The following FBXL7 variants were observed in gnomAD, a reference collection of about 807,000 sequenced individuals.
FBXL7 encodes the protein F-box/LRR-repeat protein 7.
In FBXL7, 12 loss-of-function variants were observed where a neutral mutation model predicts 38.3. The observed-to-expected ratio is 0.31, with a 90% CI of 0.20 to 0.51. The LOEUF is 0.51. FBXL7 is among the 20% of genes least tolerant of loss of function. The probability of loss-of-function intolerance (pLI) is 0.98; values close to 1 mark genes in which losing one functional copy is unlikely to be tolerated. For synonymous variants in FBXL7, 297 were observed against 300.9 expected, an observed-to-expected ratio of 0.99 and a Z score of 0.13; for missense variants, 567 against 676.4, an observed-to-expected ratio of 0.84 and a Z score of 1.79.
chr5:15,724,263 T>C (rs1031484004), intron 2 of FBXL7, among the ~76,000 whole-genome samples: 2 of 152,178 alleles, frequency 1.3e-5, no homozygotes, highest in African/African-American at 2.4e-5. Context: ...TTTAAAAAAA[T>C]GTTTATTTCA....
At chr5:15,594,768 A>G (rs1382555615) in intron 1 of FBXL7, among the ~76,000 whole-genome samples, 1 of 152,220 alleles carries the variant, frequency 6.6e-6, no homozygotes, top group Non-Finnish European at 1.5e-5. Context: ...TACTCCAGCT[A>G]TTGCTGACAA....
At chr5:15,679,099 A>G (rs1742753804) in intron 2 of FBXL7, among the ~76,000 whole-genome samples, 1 of 152,288 alleles carries the variant, frequency 6.6e-6, no homozygotes, top group Non-Finnish European at 1.5e-5. Flanking sequence ...AATTTTGATG[A>G]TCACCTGAAA....
At chr5:15,749,236 CTCTG>C (rs1395023459) in intron 2 of FBXL7, among the ~76,000 whole-genome samples, 15 of 109,274 alleles carry the variant, frequency 1.4e-4, no homozygotes, top group Non-Finnish European at 2.4e-4. Context: ...CAGAGTGAGA[CTCTG>C]TCTCAAAAAA....
intron 2 of FBXL7, among the ~76,000 whole-genome samples, chr5:15,617,699 A>T (rs575939839): frequency 2.6e-5 from 4 of 152,158 alleles, no homozygotes; most frequent in Non-Finnish European, 5.9e-5. Flanking sequence ...TCAGCCTCCC[A>T]AAGTGCTGGG....
chr5:15,729,519 T>C (rs946910419), intron 2 of FBXL7, among the ~76,000 whole-genome samples: 1 of 152,178 alleles, frequency 6.6e-6, no homozygotes, highest in African/African-American at 2.4e-5. Context: ...ATTACTGTTA[T>C]TTCAAACCAG....
chr5:15,902,802 C>G (rs1032099052), intron 2 of FBXL7, among the ~76,000 whole-genome samples: 3 of 152,180 alleles, frequency 2.0e-5, no homozygotes, highest in Non-Finnish European at 4.4e-5. Context: ...ATTGTCAGTC[C>G]TTCGGGGTGG....
intron 2 of FBXL7, among the ~76,000 whole-genome samples, chr5:15,674,352 A>G (rs1742582855): frequency 6.6e-6 from 1 of 152,218 alleles, no homozygotes; most frequent in South Asian, 2.1e-4. Flanking sequence ...ATGAAGTTTC[A>G]TGAAAGGTTT....
chr5:15,715,484 C>T (rs551934363), intron 2 of FBXL7, among the ~76,000 whole-genome samples: 9 of 121,890 alleles, frequency 7.4e-5, no homozygotes, highest in Non-Finnish European at 1.2e-4. Context: ...AGCGAGACTC[C>T]GTCTCAAAAA....
chr5:15,715,405 C>G (rs376612692), intron 2 of FBXL7, among the ~76,000 whole-genome samples: 1 of 149,486 alleles, frequency 6.7e-6, no homozygotes, highest in South Asian at 2.1e-4. Context: ...GCAGAAGAAT[C>G]GCTTGAACCT....
chr5:15,635,075 C>G (rs1741138591), intron 2 of FBXL7, among the ~76,000 whole-genome samples: 1 of 152,030 alleles, frequency 6.6e-6, no homozygotes, highest in African/African-American at 2.4e-5. Context: ...CACACAGTTA[C>G]TTAAAATAGC....
At chr5:15,777,779 T>A (rs1736896416) in intron 2 of FBXL7, among the ~76,000 whole-genome samples, 1 of 150,054 alleles carries the variant, frequency 6.7e-6, no homozygotes, top group South Asian at 2.1e-4. Flanking sequence ...AATAACTTTT[T>A]TCTTAGATTA....
At chr5:15,539,006 G>GA (rs1561019961) in intron 1 of FBXL7, among the ~76,000 whole-genome samples, 1 of 152,106 alleles carries the variant, frequency 6.6e-6, no homozygotes, top group African/African-American at 2.4e-5. Context: ...ATAAATAGGA[G>GA]AAAAAACACG....
intron 2 of FBXL7, among the ~76,000 whole-genome samples, chr5:15,873,829 C>T (rs1740079990): frequency 6.6e-6 from 1 of 152,136 alleles, no homozygotes; most frequent in Admixed American, 6.5e-5. Flanking sequence ...CTGAATTCTA[C>T]CAGAGGTACA....
chr5:15,849,540 T>C (rs1057103340), intron 2 of FBXL7, among the ~76,000 whole-genome samples: 8 of 152,156 alleles, frequency 5.3e-5, no homozygotes, highest in Non-Finnish European at 1.2e-4. Context: ...AAGGGGAAGT[T>C]TCCTTGGACA....
In FBXL7 at chr5:15,608,253, G is replaced by T. The variant is rs982249972; in HGVS notation, c.38-7730G>T. 4.1e-4 allele frequency among the ~76,000 whole-genome samples: 63 copies of T among 152,110 alleles called. 1 individual carries two copies. Among genetic ancestry groups the T allele is most frequent in the Admixed American group, 2.5e-3 (38 of 15,264 alleles). On this transcript the variant is annotated intron_variant, in intron 1 of 3. Transcript: ENST00000504595. ...ATGGTTTCATGCTTTACCTGCCAGGGTTCATTTTTTTCTCATAGCAGCCTC... is the reference window on the plus strand; with the variant it reads ...ATGGTTTCATGCTTTACCTGCCAGGTTTCATTTTTTTCTCATAGCAGCCTC...
chr5:15,669,524 G>A (rs769033873), intron 2 of FBXL7, among the ~76,000 whole-genome samples: 13 of 152,064 alleles, frequency 8.5e-5, no homozygotes, highest in Non-Finnish European at 1.8e-4. Context: ...ACTCTTCATT[G>A]GCTTTGCCAA....
At chr5:15,903,483 C>T (rs1033944185) in intron 2 of FBXL7, among the ~76,000 whole-genome samples, 2 of 152,154 alleles carry the variant, frequency 1.3e-5, no homozygotes, top group African/African-American at 4.8e-5. Flanking sequence ...CATACAAAAA[C>T]AGAGAAGGAG....
chr5:15,631,667 CAAAAAAAAAAAAAA>C (rs754975686), intron 2 of FBXL7, among the ~76,000 whole-genome samples: 2 of 43,892 alleles, frequency 4.6e-5, no homozygotes, highest in Non-Finnish European at 8.1e-5. Context: ...AGCGAGACTC[CAAAAAAAAAAAAAA>C]AAAAAAAAAA....
chr5:15,535,229 C>A (rs1330879846), intron 1 of FBXL7, among the ~76,000 whole-genome samples: 1 of 151,888 alleles, frequency 6.6e-6, no homozygotes, highest in African/African-American at 2.4e-5. Context: ...TGAAAAAAAG[C>A]GAAATAATAC....
Sources: gnomAD v4.1 joint callset for allele counts (sites outside exome capture counted in the v4.1 genomes callset) on GRCh38, gnomAD v4.1.1 for gene constraint, MANE v1.5 for transcripts, NCBI Gene and HGNC (gene_info 2026-07-23, HGNC 2026-07-21) for gene names.